Variants in LIPN observed in about 807,000 individuals in gnomAD.
The protein encoded by LIPN is lipase family member N, also known as lipase member N.
LIPN carries 32 observed loss-of-function variants against 43.7 expected under a neutral mutation model. The ratio of observed to expected loss-of-function variants is 0.73; its 90% confidence interval spans 0.55 to 0.98. The LOEUF (loss-of-function observed/expected upper bound fraction) is 0.98, where lower values mean the gene tolerates loss of function less well. LIPN is among the 50% of genes least tolerant of loss of function. The pLI is 0.00. For missense variants in LIPN, 505 were observed against 483.8 expected (o/e 1.04, Z -0.41); for synonymous variants, 156 against 157.6 (o/e 0.99, Z 0.08).
intron 5 of LIPN, among the ~76,000 whole-genome samples, chr10:88,768,421 ACT>A (rs909023151): frequency 2.0e-5 from 3 of 151,620 alleles, no homozygotes; most frequent in Non-Finnish European, 2.9e-5. Flanking sequence ...GCTTCTGGAA[ACT>A]CTGTGATTCA....
rs766971747 is a variant in LIPN, at chr10:88,764,396, C to G, written c.227-14C>G. On this transcript the variant is annotated splice_polypyrimidine_tract_variant and intron_variant, in intron 3 of 9. Coordinates refer to ENST00000404459, the MANE Select transcript of LIPN (RefSeq NM_001102469.2). ...CTCTTTCTCCCTCTCTCATCTTACC[C>G]TTTCCCCCACCAGGTCCCCGGCCAG... is the stretch of plus-strand genomic sequence containing the variant. The G allele has an allele frequency of 9.4e-6, 15 of 1,601,596 alleles. No individual in the cohort carries two copies. The highest frequency in any genetic ancestry group is 1.3e-5 in the Non-Finnish European group (15 of 1,172,172).
At chr10:88,767,300 A>T (rs891306307) in intron 5 of LIPN, among the ~76,000 whole-genome samples, 1 of 151,888 alleles carries the variant, frequency 6.6e-6, no homozygotes, top group Non-Finnish European at 1.5e-5. Context: ...ATCAGTCAGC[A>T]TATACTAAAA....
At position 88,762,305 on chromosome 10, in the gene LIPN, G is replaced by T. The variant is rs1185798430; in HGVS notation, c.226G>T (p.Gly76Cys). ...TGGGCGAACACATGCTAGGAGCACAGGTACAAGATATGTCTCTCCTGAAAA... is the reference window on the plus strand; with the variant it reads ...TGGGCGAACACATGCTAGGAGCACATGTACAAGATATGTCTCTCCTGAAAA... ...PYGRTHARST[G>C]PRPVVYMQHA... Residue 76 changes from glycine (G) to cysteine (C), a missense_variant and splice_region_variant, in exon 3 of 10, where the codon GGT (glycine) becomes TGT (cysteine). Coordinates refer to ENST00000404459, the MANE Select transcript of LIPN (RefSeq NM_001102469.2). 6.3e-7 allele frequency: 1 copy of T among 1,577,318 alleles called. No individual in the cohort carries two copies. Among genetic ancestry groups the T allele is most frequent in the African/African-American group, 1.3e-5 (1 of 74,304 alleles).
chr10:88,772,568 G>T (rs989195716), intron 7 of LIPN, among the ~76,000 whole-genome samples: 3 of 151,826 alleles, frequency 2.0e-5, no homozygotes, highest in Non-Finnish European at 4.4e-5. Flanking sequence ...GACTATAAAT[G>T]TGTGGGTTTA....
Position 88,764,591 on chromosome 10 carries a change from G to T in LIPN, c.408G>T (p.Glu136Asp). ...RRHKTLSETDEKFWAFSFDEM... is the reference protein window; with the variant it reads ...RRHKTLSETDDKFWAFSFDEM... ...ACAAAACACTCTCAGAGACAGATGAGAAATTCTGGGCCTTTAGGTAAATAT... is the reference window on the plus strand; with the variant it reads ...ACAAAACACTCTCAGAGACAGATGATAAATTCTGGGCCTTTAGGTAAATAT... Residue 136 changes from glutamate (E) to aspartate (D), a missense_variant, in exon 4 of 10, where the codon GAG becomes GAT. Glu to Asp is a conservative substitution (Grantham distance 45, BLOSUM62 2). Coordinates refer to ENST00000404459, the MANE Select transcript of LIPN (RefSeq NM_001102469.2). 2.5e-6 allele frequency: 4 copies of T among 1,603,060 alleles called. No individual in the cohort carries two copies. Among genetic ancestry groups the T allele is most frequent in the Non-Finnish European group, 1.7e-6 (2 of 1,174,144 alleles).
At chr10:88,775,051 C>G in intron 8 of LIPN, 41 bp from the exon 9 acceptor site, 1 of 1,360,872 alleles carries the variant, frequency 7.3e-7, no homozygotes, top group Non-Finnish European at 1.0e-6. Flanking sequence ...TTTCATGATT[C>G]TTACCCTAAC....
chr10:88,764,139 GT>G (rs1264152902), intron 3 of LIPN, among the ~76,000 whole-genome samples: 1 of 151,980 alleles, frequency 6.6e-6, no homozygotes, highest in Non-Finnish European at 1.5e-5. Context: ...AGTTTATAGA[GT>G]TGTTGCAAGA....
rs779201446 is a variant in LIPN, at chr10:88,762,258, T to C, written c.179T>C (p.Leu60Pro). 1 of 1,609,544 alleles carries C rather than the reference T, an allele frequency of 6.2e-7. No homozygotes were observed. Among genetic ancestry groups the C allele is most frequent in the Non-Finnish European group, 8.5e-7 (1 of 1,177,766 alleles). The stretch of plus-strand genomic sequence containing the variant: ...GTCACCACTGAAGATGGGTATATAC[T>C]CCTTGTCAACAGAATTCCTTATGGG... ...YEVTTEDGYI[L>P]LVNRIPYGRT... Residue 60 changes from leucine (L) to proline (P), a missense_variant, in exon 3 of 10, where the codon CTC (leucine) becomes CCC (proline). Leu to Pro is a moderately conservative substitution (Grantham distance 98, BLOSUM62 -3). Coordinates refer to ENST00000404459, the MANE Select transcript of LIPN (RefSeq NM_001102469.2).
At position 88,765,594 on chromosome 10, in the gene LIPN, C is replaced by A. The variant is rs191231776; in HGVS notation, c.426-675C>A. 6.6e-5 allele frequency among the ~76,000 whole-genome samples: 10 copies of A among 151,916 alleles called. No homozygotes were observed. The East Asian group carries it at 1.7e-3, about 27-fold the overall frequency. On this transcript the variant is annotated intron_variant, in intron 4 of 9. Transcript: ENST00000404459. ...GATTTGACTAAATGTTATATAGGCC[C>A]TTTTGTTCCTCCTGTCTGAAGAACA...
At position 88,778,044 on chromosome 10, in the gene LIPN, A is replaced by G; in HGVS notation, c.999A>G (p.Lys333=). The change falls in exon 10 of 10, where the codon AAA becomes AAG. Residue 333 remains lysine (K), a synonymous_variant. Transcript: ENST00000404459. ...CTATATATGACCTGACTGCCATGAA[A>G]GTGCCTACTGCTATTTGGGCTGGTG... ...HPPIYDLTAM[K]VPTAIWAGGH... is the part of the protein sequence containing the mutation. 1 of 1,613,462 alleles carries G rather than the reference A, an allele frequency of 6.2e-7. No homozygotes were observed. The highest frequency in any genetic ancestry group is 1.7e-5 in the Admixed American group (1 of 59,954).
At position 88,770,953 on chromosome 10, in the gene LIPN, T is replaced by C. The variant is rs779099735; in HGVS notation, c.781T>C (p.Ser261Pro). 1.9e-6 allele frequency: 3 copies of C among 1,571,094 alleles called. No individual in the cohort carries two copies. The highest frequency in any genetic ancestry group is 2.6e-6 in the Non-Finnish European group (3 of 1,155,994). ...ILWLICSEFM[S>P]LWAGSNKKNM... Reference sequence around the variant, plus strand: ...CTGGTTGATATGTAGCGAATTTATGTCCTTATGGGCTGGATCCAACAAGAA... The same window carrying C: ...CTGGTTGATATGTAGCGAATTTATGCCCTTATGGGCTGGATCCAACAAGAA... Residue 261 changes from serine to proline, a missense_variant, in exon 7 of 10, where the codon TCC becomes CCC. Ser to Pro is a moderately conservative substitution (Grantham distance 74). Transcript: ENST00000404459.
rs567051042 is a variant in LIPN at position 88,765,125 on chromosome 10, G to A, written c.425+517G>A. On this transcript the variant is annotated intron_variant, in intron 4 of 9. Coordinates refer to ENST00000404459, the MANE Select transcript of LIPN (RefSeq NM_001102469.2). ...TGATTGATTTAGAGAAACTGAGATC[G>A]CACATAGTACCATTTTCAGGAAAAC... is the stretch of plus-strand genomic sequence containing the variant. 3.9e-5 allele frequency among the ~76,000 whole-genome samples: 6 copies of A among 152,086 alleles called. No individual in the cohort carries two copies. The South Asian group carries it at 1.2e-3, about 32-fold the overall frequency.
intron 7 of LIPN, among the ~76,000 whole-genome samples, chr10:88,773,598 A>T (rs17363373): frequency 0.027 from 4,047 of 151,938 alleles, 81 homozygotes; most frequent in Middle Eastern, 0.044. Context: ...AAGAAGAAGG[A>T]GGAGGAAGAG....
intron 5 of LIPN, among the ~76,000 whole-genome samples, chr10:88,767,381 T>C (rs536922490): frequency 1.1e-4 from 17 of 151,892 alleles, no homozygotes; most frequent in Admixed American, 4.6e-4. Flanking sequence ...CTAACACTTA[T>C]TGAGCATTCG....
Position 88,764,606 on chromosome 10 carries a change from T to A in LIPN, c.423T>A (p.Phe141Leu). The change falls in exon 4 of 10, where the codon TTT becomes TTA. Residue 141 changes from phenylalanine (F) to leucine (L), a missense_variant and splice_region_variant. Transcript: ENST00000404459. ...AGACAGATGAGAAATTCTGGGCCTT[T>A]AGGTAAATATTAGCTAAGAAAACTC... The part of the protein sequence containing the change: ...LSETDEKFWA[F>L]SFDEMAKYDL... 1 of 1,587,984 alleles carries A rather than the reference T, an allele frequency of 6.3e-7. No homozygotes were observed. Among genetic ancestry groups the A allele is most frequent in the Non-Finnish European group, 8.6e-7 (1 of 1,166,788 alleles).
intron 3 of LIPN, among the ~76,000 whole-genome samples, chr10:88,762,929 A>T (rs1843027416): frequency 6.6e-6 from 1 of 152,022 alleles, no homozygotes; most frequent in Non-Finnish European, 1.5e-5. Context: ...ATACTCCTTA[A>T]AAGGGAAAAT....
rs911547884 is a variant in LIPN, at chr10:88,766,492, A to G, written c.535+114A>G. ...ACAACTGTTACTTATAGTGCCCTCA[A>G]TTCCCTGTCCTCTGCTGGGAATAAC... is the stretch of plus-strand genomic sequence containing the variant. On this transcript the variant is annotated intron_variant, in intron 5 of 9. Transcript: ENST00000404459. 6.8e-6 allele frequency: 5 copies of G among 734,446 alleles called. No individual in the cohort carries two copies. In the African/African-American group the frequency reaches 8.7e-5, roughly 13 times the overall value. 45.5% of individuals were successfully genotyped at this position (734,446 alleles called of 1,614,324 possible).
At chr10:88,775,926 A>G (rs977782808) in intron 9 of LIPN, among the ~76,000 whole-genome samples, 7 of 152,080 alleles carry the variant, frequency 4.6e-5, no homozygotes, top group African/African-American at 9.7e-5. Context: ...CAATTTCTCA[A>G]TAATGAATTG....
chr10:88,767,629 C>T (rs1843125359), intron 5 of LIPN, among the ~76,000 whole-genome samples: 1 of 88,984 alleles, frequency 1.1e-5, no homozygotes, highest in Non-Finnish European at 2.1e-5. Flanking sequence ...TAGATATGCT[C>T]TTATACTTGA....
Sources: allele counts gnomAD v4.1 joint callset (sites outside exome capture counted in the v4.1 genomes callset), GRCh38; gene constraint gnomAD v4.1.1; transcripts MANE v1.5; gene names NCBI Gene and HGNC (gene_info 2026-07-23, HGNC 2026-07-21).